Variants in SLC8B1 observed in about 807,000 individuals in gnomAD.
The protein encoded by SLC8B1 is mitochondrial sodium/calcium exchanger protein.
In SLC8B1, 52 loss-of-function variants were observed where a neutral mutation model predicts 63.4. The ratio of observed to expected loss-of-function variants is 0.82; its 90% CI spans 0.66 to 1.03. The LOEUF (loss-of-function observed/expected upper bound fraction) is 1.03. Ranked by LOEUF, SLC8B1 falls within the 50% of genes least tolerant of loss-of-function variation. SLC8B1 has a pLI of 0.00. For synonymous variants in SLC8B1, 336 were observed against 323.9 expected (o/e 1.04, Z -0.40); for missense variants, 657 against 741.7 (o/e 0.89, Z 1.33).
At chr12:113,300,273 T>A (rs1289376620) in intron 15 of SLC8B1, among the ~76,000 whole-genome samples, 1 of 151,430 alleles carries the variant, frequency 6.6e-6, no homozygotes, top group Non-Finnish European at 1.5e-5. Flanking sequence ...AGGTCAGGAG[T>A]TCGACCTGTA....
intron 11 of SLC8B1, among the ~76,000 whole-genome samples, chr12:113,311,010 G>A (rs61932121): frequency 2.6e-5 from 4 of 152,052 alleles, no homozygotes; most frequent in Non-Finnish European, 4.4e-5. Flanking sequence ...CAAATGACAG[G>A]GGGCTTAAGA....
intron 15 of SLC8B1, among the ~76,000 whole-genome samples, chr12:113,301,152 AAAAAG>A (rs1018190331): frequency 1.3e-5 from 2 of 152,072 alleles, no homozygotes; most frequent in Non-Finnish European, 2.9e-5. Flanking sequence ...CAAAAGAAGA[AAAAAG>A]AAAAGAATAG....
Position 113,307,769 on chromosome 12 carries a change from G to C in SLC8B1, c.1333C>G (p.Arg445Gly), listed in dbSNP as rs138122858. 6.2e-7 allele frequency: 1 copy of C among 1,613,778 alleles called. No individual in the cohort carries two copies. Among genetic ancestry groups the C allele is most frequent in the Non-Finnish European group, 8.5e-7 (1 of 1,180,046 alleles). The change falls in exon 13 of 16, where the codon CGG becomes GGG. Residue 445 changes from arginine (R) to glycine (G), a missense_variant. Arg to Gly is a moderately radical substitution (Grantham distance 125). Transcript: ENST00000680972. Reference protein sequence around the residue: ...AAATEVVNILRSLGVVFRLSN... With the variant: ...AAATEVVNILGSLGVVFRLSN... ...AGCCGGAAGACCACACCCAGGGACCGCAAGATGTTCACCACCTCTGTGGCG... is the reference window on the plus strand; with the variant it reads ...AGCCGGAAGACCACACCCAGGGACCCCAAGATGTTCACCACCTCTGTGGCG...
intron 2 of SLC8B1, among the ~76,000 whole-genome samples, chr12:113,331,021 G>A (rs1457945326): frequency 1.3e-5 from 2 of 152,102 alleles, no homozygotes; most frequent in Non-Finnish European, 2.9e-5. Flanking sequence ...CTGGGAGGAA[G>A]GCCTCTTGCC....
At chr12:113,329,948 T>C (rs2136868725) in intron 2 of SLC8B1, among the ~76,000 whole-genome samples, 1 of 152,194 alleles carries the variant, frequency 6.6e-6, no homozygotes, top group East Asian at 1.9e-4. Flanking sequence ...CTTTGCAAAA[T>C]CTGTCATTCT....
In SLC8B1 at chr12:113,299,514, G is replaced by A; in HGVS notation, c.*263C>T. On this transcript the variant is annotated 3_prime_UTR_variant, in exon 16 of 16. Coordinates refer to ENST00000680972, the MANE Select transcript of SLC8B1 (RefSeq NM_001358345.2). ...AGGGGCTCTGGGGGTCATTCAAGGG[G>A]GACTTCTAGCTTCTCTCTGGAACCC... is the stretch of plus-strand genomic sequence containing the variant. 2.2e-6 allele frequency: 1 copy of A among 459,956 alleles called. No homozygotes were observed. The allele number at this position is 459,956 out of a possible 1,614,324, so 28.5% of individuals were successfully genotyped here.
At position 113,325,726 on chromosome 12, in the gene SLC8B1, A is replaced by G. The variant is rs1956989222; in HGVS notation, c.157-4378T>C. Among the ~76,000 whole-genome samples the G allele has an allele frequency of 2.0e-5, 3 of 151,174 alleles. 1 individual carries two copies. The highest frequency in any genetic ancestry group is 4.2e-4 in the South Asian group (2 of 4,770). On this transcript the variant is annotated intron_variant, in intron 2 of 15. Transcript: ENST00000680972. ...ACTACAGGCGCTCGCCACCACGCCC[A>G]GCTAATTTTTTGTATTTTTAGTAGA... is the stretch of plus-strand genomic sequence containing the variant.
chr12:113,306,370 CA>C, intron 14 of SLC8B1, 124 bp downstream of exon 14: 5 of 727,078 alleles, frequency 6.9e-6, no homozygotes, highest in Non-Finnish European at 1.1e-5. Context: ...GCCTGAGGCT[CA>C]GGCAGCCACA....
Position 113,304,366 on chromosome 12 carries a change from C to A in SLC8B1, c.1512G>T (p.Gly504=). 6.2e-7 allele frequency: 1 copy of A among 1,613,970 alleles called. No homozygotes were observed. Among genetic ancestry groups the A allele is most frequent in the East Asian group, 2.2e-5 (1 of 44,878 alleles). ...GIIFNILVGV[G]LGCLLQISRS... The stretch of plus-strand genomic sequence containing the variant: ...GGGAGATCTGGAGCAGGCAGCCCAG[C>A]CCCACACCCACGAGGATGTCTGCAG... Residue 504 remains glycine, a synonymous_variant, in exon 15 of 16, where the codon GGG becomes GGT. Transcript: ENST00000680972.
chr12:113,306,637 C>T (rs1260360094), intron 13 of SLC8B1, 62 bp from the exon 14 acceptor site: 3 of 1,369,308 alleles, frequency 2.2e-6, no homozygotes, highest in East Asian at 2.3e-5. Context: ...CCTGGTCATC[C>T]ACGCCTTCAT....
Position 113,333,648 on chromosome 12 carries a change from A to AC in SLC8B1, c.-82-689dup, listed in dbSNP as rs536494272. ...TCCTCAGAACAATTCTGGAAATGTC[A>AC]CCCCCCCGCCCCCCACCCCACCCTG... On this transcript the variant is annotated intron_variant, in intron 1 of 15. Transcript: ENST00000680972. Among the ~76,000 whole-genome samples, 636 of 150,102 alleles carry AC rather than the reference A, an allele frequency of 4.2e-3. 1 individual carries two copies. Among genetic ancestry groups the AC allele is most frequent in the Non-Finnish European group, 7.3e-3 (491 of 67,442 alleles).
rs748009872 is a variant in SLC8B1, at chr12:113,299,893, A to G, written c.1639T>C (p.Leu547=). Residue 547 remains leucine (L), a synonymous_variant, in exon 16 of 16, where the codon TTG becomes CTG. Coordinates refer to ENST00000680972, the MANE Select transcript of SLC8B1 (RefSeq NM_001358345.2). The part of the protein sequence containing the change: ...SLVFSLVSVP[L]QCFQLSRVYG... ...ACTCTGCTGAGCTGGAAGCACTGCA[A>G]TGGGACTGAGACCAGGGAGAAGACG... 24 of 1,614,112 alleles carry G rather than the reference A, an allele frequency of 1.5e-5. No individual in the cohort carries two copies. The highest frequency in any genetic ancestry group is 8.3e-5 in the Admixed American group (5 of 60,012).
At position 113,306,627 on chromosome 12, in the gene SLC8B1, C is replaced by T. The variant is rs759414483; in HGVS notation, c.1412-52G>A. 3 of 1,462,372 alleles carry T rather than the reference C, an allele frequency of 2.1e-6. No individual in the cohort carries two copies. The South Asian group carries it at 3.4e-5, about 17-fold the overall frequency. 90.6% of individuals were successfully genotyped at this position (1,462,372 alleles called of 1,614,324 possible). A position where few individuals can be genotyped will look rare whatever the true frequency, so the allele number is the denominator to read the frequency against. On this transcript the variant is annotated intron_variant, in intron 13 of 15. Transcript: ENST00000680972. ...GTGGTGAGTCGCTTCCCCCACCCTC[C>T]CTGGTCATCCACGCCTTCATTCTCA...
intron 2 of SLC8B1, among the ~76,000 whole-genome samples, chr12:113,326,850 T>A (rs1957002811): frequency 6.6e-6 from 1 of 152,142 alleles, no homozygotes; most frequent in Non-Finnish European, 1.5e-5. Flanking sequence ...CCCTACTATC[T>A]GGCTCTTTAC....
intron 11 of SLC8B1, among the ~76,000 whole-genome samples, chr12:113,310,646 T>C (rs1217066561): frequency 6.6e-6 from 1 of 152,192 alleles, no homozygotes; most frequent in African/African-American, 2.4e-5. Flanking sequence ...CAGACATCAC[T>C]AATCAAGCAC....
chr12:113,307,085 T>C (rs1434936718), intron 13 of SLC8B1, among the ~76,000 whole-genome samples: 1 of 110,370 alleles, frequency 9.1e-6, no homozygotes, highest in East Asian at 3.1e-4. Flanking sequence ...CACTCCAGCC[T>C]GGGCGACAGA....
At chr12:113,328,836 C>A (rs1315570201) in intron 2 of SLC8B1, among the ~76,000 whole-genome samples, 1 of 151,748 alleles carries the variant, frequency 6.6e-6, no homozygotes, top group Non-Finnish European at 1.5e-5. Flanking sequence ...ACTGCAACCT[C>A]CATCTCATGG....
chr12:113,324,310 CA>C (rs1314198169), intron 2 of SLC8B1, among the ~76,000 whole-genome samples: 1 of 97,428 alleles, frequency 1.0e-5, no homozygotes, highest in Admixed American at 1.1e-4. Flanking sequence ...AAGCCTGTCT[CA>C]AAAAAAAACA....
intron 2 of SLC8B1, among the ~76,000 whole-genome samples, chr12:113,329,868 G>A (rs1463174573): frequency 3.3e-5 from 5 of 152,088 alleles, no homozygotes; most frequent in Admixed American, 3.3e-4. Context: ...CAAGTCTACA[G>A]TGGTCCCCAG....
Sources: gnomAD v4.1 joint callset for allele counts (sites outside exome capture counted in the v4.1 genomes callset) on GRCh38, gnomAD v4.1.1 for gene constraint, MANE v1.5 for transcripts, NCBI Gene and HGNC (gene_info 2026-07-23, HGNC 2026-07-21) for gene names.